ABCA6: variants seen among roughly 807,000 people sequenced by gnomAD.
ABCA6 encodes the protein ATP binding cassette subfamily A member 6.
Under a neutral mutation model 191.2 loss-of-function variants are expected in ABCA6, and 164 were observed. The ratio of observed to expected loss-of-function variants is 0.86; its 90% CI spans 0.76 to 0.98. The LOEUF is 0.98. Among genes scored for constraint, ABCA6 ranks in the 50% least tolerant of loss-of-function variants. ABCA6 has a pLI of 0.00. For synonymous variants in ABCA6, 636 were observed against 647.7 expected (o/e 0.98, Z 0.27); for missense variants, 1,958 against 1,894.1 (o/e 1.03, Z -0.63).
chr17:69,102,301 C>T (rs879458161), intron 21 of ABCA6, among the ~76,000 whole-genome samples: 1 of 152,074 alleles, frequency 6.6e-6, no homozygotes, highest in Non-Finnish European at 1.5e-5. Flanking sequence ...CAAGATACTG[C>T]CACTGAGCTC....
At position 69,136,251 on chromosome 17, in the gene ABCA6, C is replaced by T; in HGVS notation, c.302-1G>A. ...TTTGGTGCCCCAATGACACTTGTTC[C>T]TGTGAATTACAAGGTAAAAATAGAC... On this transcript the variant is annotated splice_acceptor_variant, in intron 3 of 38. Coordinates refer to ENST00000284425, the MANE Select transcript of ABCA6 (RefSeq NM_080284.3). LOFTEE classifies it high-confidence loss of function. 2 of 1,527,714 alleles carry T rather than the reference C, an allele frequency of 1.3e-6. No homozygotes were observed. Among genetic ancestry groups the T allele is most frequent in the Non-Finnish European group, 1.8e-6 (2 of 1,138,492 alleles). The allele number at this position is 1,527,714 out of a possible 1,614,324, so 94.6% of individuals were successfully genotyped here.
At chr17:69,121,564 T>C (rs1195883319) in intron 10 of ABCA6, among the ~76,000 whole-genome samples, 1 of 151,884 alleles carries the variant, frequency 6.6e-6, no homozygotes, top group Non-Finnish European at 1.5e-5. Context: ...CAACACTGTA[T>C]ACATTGGCTA....
chr17:69,120,475 AT>A (rs2073620516), intron 10 of ABCA6, among the ~76,000 whole-genome samples: 1 of 151,998 alleles, frequency 6.6e-6, no homozygotes, highest in South Asian at 2.1e-4. Context: ...GTACCTATTT[AT>A]TTTGTTCCCT....
chr17:69,141,775 A>C lies in ABCA6; in HGVS notation c.-76T>G, dbSNP rs1308786709. 6.6e-6 allele frequency: 1 copy of C among 152,100 alleles called. No individual in the cohort carries two copies. Among genetic ancestry groups the C allele is most frequent in the African/African-American group, 2.4e-5 (1 of 41,444 alleles). The allele number at this position is 152,100 out of a possible 1,614,324, so 9.4% of individuals were successfully genotyped here. On this transcript the variant is annotated 5_prime_UTR_variant, in exon 1 of 39. Coordinates refer to ENST00000284425, the MANE Select transcript of ABCA6 (RefSeq NM_080284.3). ...GGAAAATAATAAAAAGCACTCTAGA[A>C]ACACTGTCAAAACCAGTTCTCTGTT...
At position 69,103,010 on chromosome 17, in the gene ABCA6, A is replaced by AAATAC; in HGVS notation, c.2741-47_2741-43dup. The AAATAC allele has an allele frequency of 3.2e-6, 4 of 1,243,974 alleles. No individual in the cohort carries two copies. In the Admixed American group the frequency reaches 9.5e-5, roughly 30 times the overall value. 77.1% of individuals were successfully genotyped at this position (1,243,974 alleles called of 1,614,324 possible). ...AAGAGAAGGCCATAGAAAAGTAAGA[A>AAATAC]AATACATATCAAACTTTTAAAATAA... is the stretch of plus-strand genomic sequence containing the variant. On this transcript the variant is annotated intron_variant, in intron 20 of 38. Coordinates refer to ENST00000284425, the MANE Select transcript of ABCA6 (RefSeq NM_080284.3).
In ABCA6 at chr17:69,107,720, C is replaced by T. The variant is rs770097518; in HGVS notation, c.2365G>A (p.Glu789Lys). The change falls in exon 18 of 39, where the codon GAA becomes AAA. Residue 789 changes from glutamate (E) to lysine (K), a missense_variant. Coordinates refer to ENST00000284425, the MANE Select transcript of ABCA6 (RefSeq NM_080284.3). ...STLNEVFMKL[E>K]GQSTIEQDFE... ...CCTTGTTCGATAGTTGACTGTCCTT[C>T]CAGTTTCATAAAGACTTCATTTAGA... The T allele has an allele frequency of 3.7e-6, 6 of 1,610,410 alleles. No homozygotes were observed. Among genetic ancestry groups the T allele is most frequent in the Non-Finnish European group, 5.1e-6 (6 of 1,177,628 alleles).
intron 3 of ABCA6, among the ~76,000 whole-genome samples, chr17:69,136,939 GT>G (rs1411810736): frequency 6.6e-6 from 1 of 151,848 alleles, no homozygotes; most frequent in African/African-American, 2.4e-5. Flanking sequence ...TTATTTAGAT[GT>G]TTTTTTCCTG....
At chr17:69,081,845 G>A (rs1207188098) in intron 36 of ABCA6, among the ~76,000 whole-genome samples, 3 of 152,214 alleles carry the variant, frequency 2.0e-5, no homozygotes, top group Admixed American at 2.0e-4. Context: ...GAGAGTTGGA[G>A]ATTGCAGTAG....
At chr17:69,105,978 C>A in intron 19 of ABCA6, 50 bp downstream of exon 19, 1 of 1,516,056 alleles carries the variant, frequency 6.6e-7, no homozygotes, top group African/African-American at 1.4e-5. Flanking sequence ...CTGGTTTGAA[C>A]CTCTTTTGAA....
At chr17:69,125,113 T>A (rs963249865) in intron 8 of ABCA6, 78 bp from the exon 9 acceptor site, 24 of 778,976 alleles carry the variant, frequency 3.1e-5, no homozygotes, top group Non-Finnish European at 3.9e-5. Flanking sequence ...AGTATTAATT[T>A]ATTAACTAGC....
At chr17:69,137,128 G>A (rs1411907590) in intron 3 of ABCA6, among the ~76,000 whole-genome samples, 168 bp downstream of exon 3, 1 of 152,138 alleles carries the variant, frequency 6.6e-6, no homozygotes, top group East Asian at 1.9e-4. Flanking sequence ...TATTTCAAAG[G>A]CTAGTTGTTG....
At chr17:69,107,254 A>AT (rs2073326313) in intron 18 of ABCA6, among the ~76,000 whole-genome samples, 1 of 152,196 alleles carries the variant, frequency 6.6e-6, no homozygotes, top group Non-Finnish European at 1.5e-5. Context: ...AGTGTCTGGC[A>AT]TAAGAGGAGC....
intron 6 of ABCA6, among the ~76,000 whole-genome samples, chr17:69,131,040 GTGTTT>G (rs1479886310): frequency 6.6e-6 from 1 of 152,170 alleles, no homozygotes; most frequent in Non-Finnish European, 1.5e-5. Flanking sequence ...AGACTATAGA[GTGTTT>G]TAGCCCACGT....
intron 21 of ABCA6, among the ~76,000 whole-genome samples, chr17:69,101,610 A>AAGC (rs895630800): frequency 8.6e-5 from 13 of 151,680 alleles, no homozygotes; most frequent in Admixed American, 2.0e-4. Flanking sequence ...AAAAAAAAAA[A>AAGC]AGCAGCAGCA....
At chr17:69,097,040 A>G (rs1030498650) in intron 23 of ABCA6, among the ~76,000 whole-genome samples, 7 of 152,230 alleles carry the variant, frequency 4.6e-5, no homozygotes, top group Non-Finnish European at 7.3e-5. Flanking sequence ...TCATAACACA[A>G]CTTTAGCTCA....
chr17:69,086,491 ATAT>A (rs1361302707), intron 30 of ABCA6, 124 bp downstream of exon 30: 2 of 43,350 alleles, frequency 4.6e-5, no homozygotes, highest in African/African-American at 1.6e-4. Flanking sequence ...CACTAAATAT[ATAT>A]ATATATATAT....
intron 10 of ABCA6, among the ~76,000 whole-genome samples, chr17:69,120,836 T>C (rs544773901): frequency 1.3e-5 from 2 of 152,110 alleles, no homozygotes; most frequent in African/African-American, 2.4e-5. Flanking sequence ...GTGTACACAA[T>C]TGCCCCCAGA....
chr17:69,127,825 T>G (rs2073781153), intron 8 of ABCA6, among the ~76,000 whole-genome samples: 1 of 152,134 alleles, frequency 6.6e-6, no homozygotes, highest in Admixed American at 6.6e-5. Flanking sequence ...TGTACTAGAA[T>G]GTTTGTAGCA....
At chr17:69,124,609 T>C (rs1248882552) in intron 9 of ABCA6, among the ~76,000 whole-genome samples, 1 of 151,870 alleles carries the variant, frequency 6.6e-6, no homozygotes, top group African/African-American at 2.4e-5. Context: ...CAGGGATCCA[T>C]GAAAACCTAA....
Sources: allele counts gnomAD v4.1 joint callset (sites outside exome capture counted in the v4.1 genomes callset), GRCh38; gene constraint gnomAD v4.1.1; transcripts MANE v1.5; gene names NCBI Gene and HGNC (gene_info 2026-07-23, HGNC 2026-07-21).